Variants in SWT1 observed in about 807,000 individuals in gnomAD.
The protein encoded by SWT1 is transcriptional protein SWT1.
Under a neutral mutation model 107.3 loss-of-function variants are expected in SWT1, and 33 were observed. The ratio of observed to expected loss-of-function variants is 0.31; its 90% confidence interval spans 0.23 to 0.41. The LOEUF is 0.41. Among genes scored for constraint, SWT1 ranks in the 10% least tolerant of loss-of-function variants. The pLI, the probability that SWT1 is intolerant of heterozygous loss-of-function variation, is 1.00. For synonymous variants in SWT1, 345 were observed against 348.3 expected (o/e 0.99, Z 0.11); for missense variants, 898 against 1,028.9 (o/e 0.87, Z 1.74).
At chr1:185,211,236 A>G (rs1221143886) in intron 13 of SWT1, among the ~76,000 whole-genome samples, 1 of 152,204 alleles carries the variant, frequency 6.6e-6, no homozygotes, top group Non-Finnish European at 1.5e-5. Context: ...CATAGCCAAG[A>G]CAATCCTAAG....
intron 16 of SWT1, among the ~76,000 whole-genome samples, chr1:185,266,088 G>C (rs1663353105): frequency 6.6e-6 from 1 of 151,918 alleles, no homozygotes; most frequent in Non-Finnish European, 1.5e-5. Flanking sequence ...TTCTGAGATG[G>C]AGTCTCGCTC....
At chr1:185,279,071 A>C (rs1202472125) in intron 18 of SWT1, among the ~76,000 whole-genome samples, 1 of 152,264 alleles carries the variant, frequency 6.6e-6, no homozygotes, top group Admixed American at 6.5e-5. Context: ...GCCAGTTGGC[A>C]TACACAAATC....
chr1:185,246,728 C>T (rs1184018418), intron 16 of SWT1, among the ~76,000 whole-genome samples: 1 of 144,054 alleles, frequency 6.9e-6, no homozygotes, highest in African/African-American at 2.6e-5. Flanking sequence ...CTCATGGTTT[C>T]AGGTGATTCT....
intron 16 of SWT1, among the ~76,000 whole-genome samples, chr1:185,253,702 A>G (rs1662242375): frequency 6.6e-6 from 1 of 152,036 alleles, no homozygotes; most frequent in African/African-American, 2.4e-5. Context: ...GGTTTTCTAG[A>G]TATACAATCA....
chr1:185,242,135 A>G (rs1661289748), intron 16 of SWT1, among the ~76,000 whole-genome samples: 1 of 152,156 alleles, frequency 6.6e-6, no homozygotes, highest in Non-Finnish European at 1.5e-5. Flanking sequence ...TATATTATAG[A>G]CACATATAAG....
chr1:185,164,096 A>G (rs1425977196), intron 2 of SWT1, among the ~76,000 whole-genome samples: 1 of 152,192 alleles, frequency 6.6e-6, no homozygotes. Flanking sequence ...AACAACATTC[A>G]TCTCTTTGTA....
chr1:185,253,284 A>T (rs1270229829), intron 16 of SWT1, among the ~76,000 whole-genome samples: 1 of 150,152 alleles, frequency 6.7e-6, no homozygotes, highest in Admixed American at 6.6e-5. Flanking sequence ...TTGGTTCCAT[A>T]TGAACTTTAA....
chr1:185,198,651 T>C (rs905469886), intron 10 of SWT1, among the ~76,000 whole-genome samples: 1 of 152,206 alleles, frequency 6.6e-6, no homozygotes, highest in East Asian at 1.9e-4. Context: ...AATTTAGCTC[T>C]TCTTGTTGCA....
Position 185,276,597 on chromosome 1 carries a change from C to T in SWT1, c.2509-7C>T. On this transcript the variant is annotated splice_region_variant and splice_polypyrimidine_tract_variant and intron_variant, in intron 17 of 18. Transcript: ENST00000367500. The stretch of plus-strand genomic sequence containing the variant: ...ATTTTTAATAACTATATCTTGGTTC[C>T]TTTCAGGTAAATAAAAATGTCAAAT... 1 of 1,544,592 alleles carries T rather than the reference C, an allele frequency of 6.5e-7. No homozygotes were observed. The highest frequency in any genetic ancestry group is 8.9e-7 in the Non-Finnish European group (1 of 1,123,876).
chr1:185,224,703 G>T (rs1488630297), intron 15 of SWT1, among the ~76,000 whole-genome samples: 5 of 151,834 alleles, frequency 3.3e-5, no homozygotes, highest in Non-Finnish European at 7.4e-5. Flanking sequence ...CCTTGATTAG[G>T]TTTACTTTTT....
intron 14 of SWT1, among the ~76,000 whole-genome samples, chr1:185,216,904 A>G (rs1478032138): frequency 6.6e-6 from 1 of 151,810 alleles, no homozygotes; most frequent in Non-Finnish European, 1.5e-5. Flanking sequence ...GTGAGCTGAG[A>G]TCGTGCCACT....
intron 16 of SWT1, among the ~76,000 whole-genome samples, chr1:185,244,853 G>C (rs1488890388): frequency 6.6e-6 from 1 of 152,206 alleles, no homozygotes; most frequent in African/African-American, 2.4e-5. Flanking sequence ...GGCCAAGGCA[G>C]GGGGTTTGCT....
intron 10 of SWT1, among the ~76,000 whole-genome samples, chr1:185,195,769 T>C (rs1366344616): frequency 6.6e-6 from 1 of 152,240 alleles, no homozygotes; most frequent in African/African-American, 2.4e-5. Flanking sequence ...CCTTTTTCCA[T>C]ATGTTTGTTG....
At chr1:185,252,425 A>C in intron 16 of SWT1, among the ~76,000 whole-genome samples, 1 of 152,342 alleles carries the variant, frequency 6.6e-6, no homozygotes, top group East Asian at 1.9e-4. Flanking sequence ...CTATTTCTCC[A>C]CATCCTCTCC....
intron 10 of SWT1, among the ~76,000 whole-genome samples, chr1:185,198,593 T>G (rs901997449): frequency 2.0e-5 from 3 of 152,188 alleles, no homozygotes; most frequent in Admixed American, 6.5e-5. Context: ...TCTAAGAACT[T>G]GCTTTATGAA....
intron 16 of SWT1, among the ~76,000 whole-genome samples, chr1:185,255,043 T>C (rs2102664314): frequency 6.6e-6 from 1 of 152,176 alleles, no homozygotes; most frequent in Admixed American, 6.5e-5. Context: ...ATGTACCCAG[T>C]AGTCATTCAG....
chr1:185,273,096 G>A (rs1359171235), intron 17 of SWT1, among the ~76,000 whole-genome samples: 1 of 151,990 alleles, frequency 6.6e-6, no homozygotes, highest in Non-Finnish European at 1.5e-5. Context: ...GTGTTTATAT[G>A]GGCTTTTTAA....
At chr1:185,239,971 G>C (rs898600696) in intron 16 of SWT1, among the ~76,000 whole-genome samples, 2 of 152,016 alleles carry the variant, frequency 1.3e-5, no homozygotes, top group African/African-American at 4.8e-5. Context: ...TGCTTAAACT[G>C]TCATCTTTGC....
At chr1:185,186,226 CATCT>C (rs1264047062) in intron 9 of SWT1, among the ~76,000 whole-genome samples, 2 of 152,086 alleles carry the variant, frequency 1.3e-5, no homozygotes, top group African/African-American at 4.8e-5. Flanking sequence ...TGATAAGACT[CATCT>C]ATCTTTTTTT....
Sources: gnomAD v4.1 joint callset for allele counts (sites outside exome capture counted in the v4.1 genomes callset) on GRCh38, gnomAD v4.1.1 for gene constraint, MANE v1.5 for transcripts, NCBI Gene and HGNC (gene_info 2026-07-23, HGNC 2026-07-21) for gene names.